Variants in PCDH15 observed in about 807,000 individuals in gnomAD.
The protein encoded by PCDH15 is protocadherin related 15.
In PCDH15, 129 loss-of-function variants were observed where a neutral mutation model predicts 178.5. The observed-to-expected ratio is 0.72, with a 90% confidence interval of 0.63 to 0.84. The LOEUF (loss-of-function observed/expected upper bound fraction) is 0.84. PCDH15 is among the 40% of genes least tolerant of loss of function. The pLI, the probability that PCDH15 is intolerant of heterozygous loss-of-function variation, is 0.00. For synonymous variants in PCDH15, 800 were observed against 732.0 expected (o/e 1.09, Z -1.50); for missense variants, 2,230 against 2,099.9 (o/e 1.06, Z -1.21).
intron 3 of PCDH15, among the ~76,000 whole-genome samples, chr10:54,426,905 A>AT (rs1956333016): frequency 6.6e-6 from 1 of 151,852 alleles, no homozygotes; most frequent in African/African-American, 2.4e-5. Flanking sequence ...TCCCATGAGT[A>AT]TAAAAAAAAA....
At chr10:54,438,359 T>C (rs576109780) in intron 3 of PCDH15, among the ~76,000 whole-genome samples, 5 of 151,494 alleles carry the variant, frequency 3.3e-5, no homozygotes. Context: ...GGGAGTGAAT[T>C]TGTAAGTTCT....
chr10:55,190,302 A>C (rs950698922), intron 1 of PCDH15, among the ~76,000 whole-genome samples: 1 of 151,038 alleles, frequency 6.6e-6, no homozygotes, highest in Non-Finnish European at 1.5e-5. Flanking sequence ...ACTTTAATAT[A>C]TTGATCCCAG....
At chr10:55,499,404 TACACACACACAC>T (rs200878607) in intron 2 of PCDH15, among the ~76,000 whole-genome samples, 1,540 of 136,374 alleles carry the variant, frequency 0.011, 14 homozygotes, top group African/African-American at 0.027. Flanking sequence ...AGACTCTCCC[TACACACACACAC>T]ACACACACAC....
intron 2 of PCDH15, among the ~76,000 whole-genome samples, chr10:54,945,966 C>T (rs781308521): frequency 8.6e-5 from 13 of 151,876 alleles, no homozygotes; most frequent in Non-Finnish European, 1.6e-4. Context: ...GTGTGTTAGT[C>T]ATACATACTG....
chr10:53,947,322 A>T (rs903716180), intron 23 of PCDH15, among the ~76,000 whole-genome samples: 1 of 152,148 alleles, frequency 6.6e-6, no homozygotes, highest in Admixed American at 6.5e-5. Context: ...GTGTCAAATA[A>T]AGCTTCTAAT....
At chr10:54,631,580 T>A (rs962637566) in intron 2 of PCDH15, among the ~76,000 whole-genome samples, 2 of 152,070 alleles carry the variant, frequency 1.3e-5, no homozygotes, top group South Asian at 2.1e-4. Context: ...TAAATCATCC[T>A]ACAAAAAAGG....
intron 1 of PCDH15, among the ~76,000 whole-genome samples, chr10:55,292,242 T>A (rs957155709): frequency 6.6e-6 from 1 of 152,136 alleles, no homozygotes; most frequent in Non-Finnish European, 1.5e-5. Flanking sequence ...ACTTCCTAGA[T>A]ACAATGAGGT....
intron 8 of PCDH15, among the ~76,000 whole-genome samples, chr10:54,295,322 G>A (rs533588134): frequency 6.6e-6 from 1 of 152,288 alleles, no homozygotes; most frequent in African/African-American, 2.4e-5. Context: ...GGACCAATCA[G>A]CACTCTGTAA....
intron 9 of PCDH15, among the ~76,000 whole-genome samples, chr10:54,231,787 C>CT (rs1177177793): frequency 6.6e-6 from 1 of 152,232 alleles, no homozygotes; most frequent in African/African-American, 2.4e-5. Context: ...GATTTAATGA[C>CT]TGCCCTCCTG....
chr10:55,139,984 T>A (rs577126990), intron 2 of PCDH15, among the ~76,000 whole-genome samples: 1 of 152,084 alleles, frequency 6.6e-6, no homozygotes, highest in African/African-American at 2.4e-5. Flanking sequence ...ATCCTGTATA[T>A]GTTTTGCTAG....
At chr10:54,405,709 A>AAAT (rs558572886) in intron 3 of PCDH15, among the ~76,000 whole-genome samples, 1 of 151,810 alleles carries the variant, frequency 6.6e-6, no homozygotes, top group African/African-American at 2.4e-5. Flanking sequence ...AAAAAAAAAA[A>AAAT]CTAAAAATTA....
chr10:55,230,877 T>A (rs1317292742), intron 1 of PCDH15, among the ~76,000 whole-genome samples: 1 of 151,910 alleles, frequency 6.6e-6, no homozygotes, highest in Non-Finnish European at 1.5e-5. Context: ...AAGCTGAGAT[T>A]GAAGGGGTTG....
intron 3 of PCDH15, among the ~76,000 whole-genome samples, chr10:54,860,683 G>T (rs913148405): frequency 6.6e-6 from 1 of 152,112 alleles, no homozygotes. Flanking sequence ...GAATGTCTGG[G>T]TCATGTGGTA....
rs1257651776 is a variant in PCDH15 at position 54,519,907 on chromosome 10, C to T, written c.157+7905G>A. 7.2e-5 allele frequency among the ~76,000 whole-genome samples: 11 copies of T among 151,964 alleles called. No individual in the cohort carries two copies. The East Asian group carries it at 9.6e-4, about 13-fold the overall frequency. On this transcript the variant is annotated intron_variant, in intron 3 of 37. Transcript: ENST00000644397. ...AGAACAGAGCCCTCAGAAATAAGGC[C>T]GCATATCTACAACTATCTGATCTTT...
rs149716122 is a variant in PCDH15 at position 54,331,200 on chromosome 10, G to C, written c.595-1494C>G. ...AGCTGATTCAAATCTCTCAGCTCAG[G>C]CTCAATCAATGAAATGTGTGTAGTT... On this transcript the variant is annotated intron_variant, in intron 6 of 37. Transcript: ENST00000644397. Among the ~76,000 whole-genome samples, 248 of 151,470 alleles carry C rather than the reference G, an allele frequency of 1.6e-3. 1 individual carries two copies. The highest frequency in any genetic ancestry group is 5.6e-3 in the African/African-American group (230 of 41,358).
intron 2 of PCDH15, among the ~76,000 whole-genome samples, chr10:54,924,793 T>C (rs1474100355): frequency 6.6e-6 from 1 of 152,144 alleles, no homozygotes; most frequent in Non-Finnish European, 1.5e-5. Context: ...TATGGTGTTG[T>C]TTATATTTTT....
At chr10:54,960,841 T>C (rs1029556912) in intron 2 of PCDH15, among the ~76,000 whole-genome samples, 2 of 152,158 alleles carry the variant, frequency 1.3e-5, no homozygotes, top group East Asian at 1.9e-4. Context: ...GATAGTAATA[T>C]ATCTACAAGT....
intron 23 of PCDH15, among the ~76,000 whole-genome samples, chr10:53,947,896 A>G (rs1390949299): frequency 6.6e-6 from 1 of 152,204 alleles, no homozygotes; most frequent in African/African-American, 2.4e-5. Context: ...AAAAACTGCA[A>G]TCTAAGGTGT....
intron 3 of PCDH15, among the ~76,000 whole-genome samples, chr10:54,886,181 C>T (rs1002655964): frequency 1.3e-5 from 2 of 151,364 alleles, no homozygotes; most frequent in Non-Finnish European, 2.9e-5. Context: ...CAAAGATCTA[C>T]GGAAATGAGA....
Sources: gnomAD v4.1 joint callset for allele counts (sites outside exome capture counted in the v4.1 genomes callset) on GRCh38, gnomAD v4.1.1 for gene constraint, MANE v1.5 for transcripts, NCBI Gene and HGNC (gene_info 2026-07-23, HGNC 2026-07-21) for gene names.